Variants in MEI4 observed in about 807,000 individuals in gnomAD.
The protein encoded by MEI4 is meiotic double-stranded break formation protein 4.
Under a neutral mutation model 31.4 loss-of-function variants are expected in MEI4, and 27 were observed. The ratio of observed to expected loss-of-function variants is 0.86; its 90% CI spans 0.63 to 1.19. The LOEUF is 1.19. Ranked by LOEUF, MEI4 falls within the 50% of genes most tolerant of loss-of-function variation. The pLI is 0.00. For missense variants in MEI4, 329 were observed against 398.9 expected, an observed-to-expected ratio of 0.82 and a Z score of 1.49; for synonymous variants, 122 against 145.4, an observed-to-expected ratio of 0.84 and a Z score of 1.16.
rs186738401 is a variant in MEI4 at position 77,811,420 on chromosome 6, G to A, written c.769-17511G>A. On this transcript the variant is annotated intron_variant, in intron 3 of 4. Coordinates refer to ENST00000684080, the MANE Select transcript of MEI4 (RefSeq NM_001322247.2). The stretch of plus-strand genomic sequence containing the variant: ...TATGTGTTCATAGAACAAATTTTAT[G>A]AGAGTTCATATATAGAGGATGAGAT... Among the ~76,000 whole-genome samples the A allele has an allele frequency of 2.9e-3, 444 of 152,266 alleles. 2 individuals carry two copies. The highest frequency in any genetic ancestry group is 0.01 in the African/African-American group (428 of 41,544).
intron 4 of MEI4, among the ~76,000 whole-genome samples, chr6:77,913,518 GTTGT>G (rs1346321703): frequency 2.0e-5 from 3 of 151,960 alleles, no homozygotes; most frequent in Non-Finnish European, 2.9e-5. Context: ...TTTTTGGCAG[GTTGT>G]TTGTGTCCAG....
chr6:77,865,886 C>T (rs1771012866), intron 4 of MEI4, among the ~76,000 whole-genome samples: 1 of 152,178 alleles, frequency 6.6e-6, no homozygotes, highest in African/African-American at 2.4e-5. Context: ...CCAACATGAT[C>T]AAGTGGGCTT....
intron 3 of MEI4, among the ~76,000 whole-genome samples, chr6:77,812,765 GTGAAACCATGTGGGC>G (rs1205224846): frequency 2.0e-5 from 3 of 152,084 alleles, no homozygotes; most frequent in Non-Finnish European, 2.9e-5. Flanking sequence ...ATGTGAGCAG[GTGAAACCATGTGGGC>G]TGTTGATTCT....
intron 1 of MEI4, among the ~76,000 whole-genome samples, chr6:77,673,671 A>T (rs1768788839): frequency 2.0e-5 from 3 of 152,174 alleles, no homozygotes; most frequent in South Asian, 4.1e-4. Flanking sequence ...GGTTTAGGTG[A>T]TGAGTACTCC....
At chr6:77,703,804 A>G (rs947369250) in intron 2 of MEI4, among the ~76,000 whole-genome samples, 2 of 152,186 alleles carry the variant, frequency 1.3e-5, no homozygotes, top group Non-Finnish European at 2.9e-5. Context: ...TGAAAAGGAA[A>G]TTAGATAAAT....
At chr6:77,816,728 A>G (rs182816184) in intron 3 of MEI4, among the ~76,000 whole-genome samples, 5 of 152,270 alleles carry the variant, frequency 3.3e-5, no homozygotes, top group Admixed American at 3.3e-4. Context: ...TGACTTCCTT[A>G]TTGGAAAACC....
At position 77,923,350 on chromosome 6, in the gene MEI4, C is replaced by CATTCCTTA; in HGVS notation, c.*5_*12dup. ...GATAGAAACTCTTAGAAAATAACTC[C>CATTCCTTA]ATTCCTTAGCAATTTACCACGTTTG... is the stretch of plus-strand genomic sequence containing the variant. On this transcript the variant is annotated 3_prime_UTR_variant, in exon 5 of 5. Coordinates refer to ENST00000684080, the MANE Select transcript of MEI4 (RefSeq NM_001322247.2). 1 of 1,229,362 alleles carries CATTCCTTA rather than the reference C, an allele frequency of 8.1e-7. No individual in the cohort carries two copies. 76.2% of individuals were successfully genotyped at this position (1,229,362 alleles called of 1,614,324 possible). A position where few individuals can be genotyped will look rare whatever the true frequency, so the allele number is the denominator to read the frequency against.
At chr6:77,775,227 G>A (rs992297721) in intron 3 of MEI4, among the ~76,000 whole-genome samples, 9 of 152,116 alleles carry the variant, frequency 5.9e-5, no homozygotes, top group African/African-American at 2.2e-4. Context: ...GGAACAGGTG[G>A]TGTTTGGTTA....
intron 1 of MEI4, among the ~76,000 whole-genome samples, chr6:77,683,290 A>C (rs149332471): frequency 6.6e-6 from 1 of 152,186 alleles, no homozygotes; most frequent in Non-Finnish European, 1.5e-5. Flanking sequence ...GTATCAACAA[A>C]TAAAAATTTT....
At chr6:77,682,027 A>C (rs1220189383) in intron 1 of MEI4, among the ~76,000 whole-genome samples, 1 of 152,230 alleles carries the variant, frequency 6.6e-6, no homozygotes, top group Non-Finnish European at 1.5e-5. Flanking sequence ...TGTCAGACGG[A>C]TCTAATCCAA....
In MEI4 at chr6:77,802,188, CT is replaced by C. The variant is rs1045177974; in HGVS notation, c.769-26742del. On this transcript the variant is annotated intron_variant, in intron 3 of 4. Coordinates refer to ENST00000684080, the MANE Select transcript of MEI4 (RefSeq NM_001322247.2). ...GTGCATATATAGTTATGATAGTTAG[CT>C]CTTCTTGTTGAATTGATCCCTTTAC... Among the ~76,000 whole-genome samples the C allele has an allele frequency of 7.2e-5, 11 of 152,286 alleles. No individual in the cohort carries two copies. In the East Asian group the frequency reaches 1.9e-3, roughly 27 times the overall value.
chr6:77,677,926 T>A (rs1768874608), intron 1 of MEI4, among the ~76,000 whole-genome samples: 1 of 152,190 alleles, frequency 6.6e-6, no homozygotes, highest in Non-Finnish European at 1.5e-5. Context: ...ACTTTTACAG[T>A]TTTCTTATAG....
At chr6:77,797,226 C>G (rs1769103642) in intron 3 of MEI4, among the ~76,000 whole-genome samples, 1 of 152,082 alleles carries the variant, frequency 6.6e-6, no homozygotes, top group Admixed American at 6.5e-5. Context: ...AGACCTGAAA[C>G]TATAAAACTC....
At position 77,924,265 on chromosome 6, in the gene MEI4, G is replaced by A. The variant is rs748294718; in HGVS notation, c.*919G>A. 4.0e-5 allele frequency: 6 copies of A among 151,804 alleles called. No homozygotes were observed. The highest frequency in any genetic ancestry group is 5.9e-5 in the Non-Finnish European group (4 of 67,874). 9.4% of individuals were successfully genotyped at this position (151,804 alleles called of 1,614,324 possible). A position where few individuals can be genotyped will look rare whatever the true frequency, so the allele number is the denominator to read the frequency against. On this transcript the variant is annotated 3_prime_UTR_variant, in exon 5 of 5. Coordinates refer to ENST00000684080, the MANE Select transcript of MEI4 (RefSeq NM_001322247.2). ...TTTCCTTTATTAATGATATGTGATGGTGTTTCATAAGTTAATTAGCATTCC... is the reference window on the plus strand; with the variant it reads ...TTTCCTTTATTAATGATATGTGATGATGTTTCATAAGTTAATTAGCATTCC...
chr6:77,714,610 T>C (rs1766539192), intron 2 of MEI4, among the ~76,000 whole-genome samples: 1 of 152,216 alleles, frequency 6.6e-6, no homozygotes, highest in Admixed American at 6.5e-5. Flanking sequence ...TTTTAAACAG[T>C]GAATGGATTT....
chr6:77,651,591 C>T (rs1343904392), upstream of MEI4, among the ~76,000 whole-genome samples: 1 of 152,162 alleles, frequency 6.6e-6, no homozygotes, highest in Non-Finnish European at 1.5e-5. Context: ...GAGAGATTTA[C>T]AGCGTATTAT....
rs145893011 is a variant in MEI4 at position 77,852,723 on chromosome 6, A to G, written c.900+23661A>G. ...AGGGAGAATGAGTTCCTTAGGGACTATTTTATAATGGCACTAATCACATTC... is the reference window on the plus strand; with the variant it reads ...AGGGAGAATGAGTTCCTTAGGGACTGTTTTATAATGGCACTAATCACATTC... On this transcript the variant is annotated intron_variant, in intron 4 of 4. Transcript: ENST00000684080. Among the ~76,000 whole-genome samples, 1,289 of 151,920 alleles carry G rather than the reference A, an allele frequency of 8.5e-3. 6 individuals carry two copies. Among genetic ancestry groups the G allele is most frequent in the Non-Finnish European group, 0.014 (933 of 67,960 alleles).
rs1418120664 is a variant in MEI4, at chr6:77,923,555, G to GTAATGCCATCCT, written c.*212_*223dup. On this transcript the variant is annotated 3_prime_UTR_variant, in exon 5 of 5. Coordinates refer to ENST00000684080, the MANE Select transcript of MEI4 (RefSeq NM_001322247.2). ...TACTAAAATCAGCCAGTTTCGGTTGGTAATGCCATCCTTATTCCCATGTAA... is the reference window on the plus strand; with the variant it reads ...TACTAAAATCAGCCAGTTTCGGTTGGTAATGCCATCCTTAATGCCATCCTTATTCCCATGTAA... The GTAATGCCATCCT allele has an allele frequency of 1.7e-5, 6 of 352,904 alleles. No individual in the cohort carries two copies. Among genetic ancestry groups the GTAATGCCATCCT allele is most frequent in the Non-Finnish European group, 2.4e-5 (5 of 205,724 alleles). The allele number at this position is 352,904 out of a possible 1,614,324, so 21.9% of individuals were successfully genotyped here. A position where few individuals can be genotyped will look rare whatever the true frequency, so the allele number is the denominator to read the frequency against.
intron 1 of MEI4, among the ~76,000 whole-genome samples, chr6:77,682,739 TGGGGATACA>T (rs1276388309): frequency 6.6e-6 from 1 of 152,130 alleles, no homozygotes; most frequent in African/African-American, 2.4e-5. Context: ...TTCATGGCAT[TGGGGATACA>T]GGGGATAGTC....
Sources: gnomAD v4.1 joint callset for allele counts (sites outside exome capture counted in the v4.1 genomes callset) on GRCh38, gnomAD v4.1.1 for gene constraint, MANE v1.5 for transcripts, NCBI Gene and HGNC (gene_info 2026-07-23, HGNC 2026-07-21) for gene names.